Variants in ADAM29 observed in about 807,000 individuals in gnomAD.
ADAM29 encodes ADAM metallopeptidase domain 29, also known as disintegrin and metalloproteinase domain-containing protein 29.
For missense variants in ADAM29, 969 were observed against 1,001.8 expected (o/e 0.97, Z 0.44); for synonymous variants, 367 against 342.3 (o/e 1.07, Z -0.80).
At chr4:174,954,476 C>A (rs1360402741) in intron 4 of ADAM29, among the ~76,000 whole-genome samples, 1 of 152,074 alleles carries the variant, frequency 6.6e-6, no homozygotes. Context: ...TTTCAATAGT[C>A]TATTCCAGCA....
At position 174,931,112 on chromosome 4, in the gene ADAM29, A is replaced by G. The variant is rs1743841229; in HGVS notation, c.-324A>G. On this transcript the variant is annotated 5_prime_UTR_variant, in exon 3 of 5. Transcript: ENST00000359240. ...AACCATCAGCAAGAAAACAAATTTGATTGAGCCCCCATCCAGTCCTCTTTG... is the reference window on the plus strand; with the variant it reads ...AACCATCAGCAAGAAAACAAATTTGGTTGAGCCCCCATCCAGTCCTCTTTG... The G allele has an allele frequency of 6.6e-6, 1 of 152,178 alleles. No individual in the cohort carries two copies. The highest frequency in any genetic ancestry group is 1.5e-5 in the Non-Finnish European group (1 of 68,036). 9.4% of individuals were successfully genotyped at this position (152,178 alleles called of 1,614,324 possible).
At chr4:174,970,610 A>G (rs1236191101) in intron 4 of ADAM29, among the ~76,000 whole-genome samples, 1 of 152,178 alleles carries the variant, frequency 6.6e-6, no homozygotes, top group African/African-American at 2.4e-5. Context: ...TAGCCTCCAG[A>G]ACTACAGAAC....
intron 3 of ADAM29, among the ~76,000 whole-genome samples, chr4:174,935,933 C>T (rs1279629457): frequency 6.6e-6 from 1 of 151,950 alleles, no homozygotes; most frequent in Admixed American, 6.6e-5. Context: ...CTGGTAGAAA[C>T]ATAAAAAGTA....
intron 4 of ADAM29, among the ~76,000 whole-genome samples, chr4:174,967,332 T>C (rs1321899662): frequency 6.6e-6 from 1 of 152,162 alleles, no homozygotes; most frequent in Non-Finnish European, 1.5e-5. Context: ...TTATTATTAT[T>C]ATTACTATAA....
chr4:174,958,064 A>T (rs139917907), intron 4 of ADAM29, among the ~76,000 whole-genome samples: 3 of 151,926 alleles, frequency 2.0e-5, no homozygotes, highest in East Asian at 3.9e-4. Context: ...TAAATTTGTT[A>T]AGCTAGATCC....
intron 4 of ADAM29, among the ~76,000 whole-genome samples, chr4:174,946,973 A>G (rs1744885063): frequency 6.6e-6 from 1 of 152,086 alleles, no homozygotes; most frequent in African/African-American, 2.4e-5. Flanking sequence ...CAGTCTTGTG[A>G]CATTGAATGT....
At position 174,975,835 on chromosome 4, in the gene ADAM29, G is replaced by T. The variant is rs1453187896; in HGVS notation, c.310G>T (p.Gly104Cys). The change falls in exon 5 of 5, where the codon GGT (glycine) becomes TGT (cysteine). Residue 104 changes from glycine to cysteine, a missense_variant. Transcript: ENST00000359240. ...PFVQNNCYYH[G>C]YVEGDPESLV... The stretch of plus-strand genomic sequence containing the variant: ...TGTCCAGAATAACTGCTACTATCAT[G>T]GTTATGTGGAAGGGGACCCAGAATC... 6.2e-7 allele frequency: 1 copy of T among 1,614,146 alleles called. No homozygotes were observed.
In ADAM29 at chr4:174,976,513, G is replaced by C; in HGVS notation, c.988G>C (p.Val330Leu). ...NKTLGTFSIA[V>L]AHHLGHNLGM... ...AACTTTGGGCACTTTTTCAATTGCA[G>C]TGGCTCATCATCTAGGTCATAATTT... Residue 330 changes from valine (V) to leucine (L), a missense_variant, in exon 5 of 5, where the codon GTG becomes CTG. Coordinates refer to ENST00000359240, the MANE Select transcript of ADAM29 (RefSeq NM_014269.4). 6.2e-7 allele frequency: 1 copy of C among 1,611,082 alleles called. No individual in the cohort carries two copies. Among genetic ancestry groups the C allele is most frequent in the Non-Finnish European group, 8.5e-7 (1 of 1,178,620 alleles).
intron 4 of ADAM29, among the ~76,000 whole-genome samples, chr4:174,963,556 TAAAG>T (rs1189319097): frequency 2.0e-5 from 3 of 152,192 alleles, no homozygotes; most frequent in South Asian, 4.1e-4. Flanking sequence ...AGTTGGGAAA[TAAAG>T]AGATTCACTG....
chr4:174,941,477 G>A (rs1744532933), intron 4 of ADAM29, among the ~76,000 whole-genome samples: 1 of 152,154 alleles, frequency 6.6e-6, no homozygotes, highest in Non-Finnish European at 1.5e-5. Context: ...CATAGCTGGG[G>A]AGGCCTCAAG....
At chr4:174,948,982 G>T (rs1160588513) in intron 4 of ADAM29, among the ~76,000 whole-genome samples, 1 of 152,154 alleles carries the variant, frequency 6.6e-6, no homozygotes, top group Non-Finnish European at 1.5e-5. Context: ...GCTGCACGGG[G>T]AGTCTTCAGC....
chr4:174,976,384 C>T lies in ADAM29; in HGVS notation c.859C>T (p.His287Tyr), dbSNP rs781447890. ...ITPRMQHDTS[H>Y]LFTTLGLRGL... ...GCCCCGGATGCAACATGACACCTCA[C>T]ATCTTTTCACAACTCTAGGATTAAG... The change falls in exon 5 of 5, where the codon CAT (histidine) becomes TAT (tyrosine). Residue 287 changes from histidine to tyrosine, a missense_variant. Transcript: ENST00000359240. 4 of 1,599,480 alleles carry T rather than the reference C, an allele frequency of 2.5e-6. No individual in the cohort carries two copies. Among genetic ancestry groups the T allele is most frequent in the Non-Finnish European group, 3.4e-6 (4 of 1,174,310 alleles).
At chr4:174,963,195 A>G (rs1745950528) in intron 4 of ADAM29, among the ~76,000 whole-genome samples, 1 of 152,226 alleles carries the variant, frequency 6.6e-6, no homozygotes, top group African/African-American at 2.4e-5. Context: ...AGGATATGGT[A>G]CATTCAAATG....
chr4:174,976,659 T>C lies in ADAM29; in HGVS notation c.1134T>C (p.Thr378=), dbSNP rs968273915. 6 of 1,613,920 alleles carry C rather than the reference T, an allele frequency of 3.7e-6. No individual in the cohort carries two copies. Among genetic ancestry groups the C allele is most frequent in the Admixed American group, 1.7e-5 (1 of 59,976 alleles). ...GTTATGGTGATTTTTGGGAATATACTGTAGAGAGGACAAAGTGTTTGCTTG... is the reference window on the plus strand; with the variant it reads ...GTTATGGTGATTTTTGGGAATATACCGTAGAGAGGACAAAGTGTTTGCTTG... ...NCSYGDFWEY[T]VERTKCLLET... Residue 378 remains threonine (T), a synonymous_variant, in exon 5 of 5, where the codon ACT becomes ACC. Transcript: ENST00000359240.
At chr4:174,974,260 G>A (rs149442987) in intron 4 of ADAM29, among the ~76,000 whole-genome samples, 1 of 152,312 alleles carries the variant, frequency 6.6e-6, no homozygotes, top group African/African-American at 2.4e-5. Flanking sequence ...GAAAGTGAAA[G>A]CTTTTCTTTA....
At chr4:174,973,681 C>A (rs183127200) in intron 4 of ADAM29, among the ~76,000 whole-genome samples, 1 of 152,174 alleles carries the variant, frequency 6.6e-6, no homozygotes, top group Non-Finnish European at 1.5e-5. Flanking sequence ...ATTTTGATAG[C>A]TCTTTCAATA....
At chr4:174,923,000 G>A (rs1743253736) in intron 2 of ADAM29, among the ~76,000 whole-genome samples, 3 of 152,020 alleles carry the variant, frequency 2.0e-5, no homozygotes, top group Admixed American at 6.6e-5. Flanking sequence ...TGCTTAGTTA[G>A]GAGTTAAAGT....
At position 174,977,872 on chromosome 4, in the gene ADAM29, C is replaced by G. The variant is rs369431166; in HGVS notation, c.2347C>G (p.Pro783Ala). 2.7e-5 allele frequency: 43 copies of G among 1,587,344 alleles called. No individual in the cohort carries two copies. Among genetic ancestry groups the G allele is most frequent in the Non-Finnish European group, 3.7e-5 (43 of 1,165,590 alleles). ...TTCTCAGAGTCAACCTCCTGTGATG[C>G]CTTCCCAGAGTCATCCTCAGTTGAC... ...MPSQSQPPVM[P>A]SQSHPQLTPS... Residue 783 changes from proline (P) to alanine (A), a missense_variant, in exon 5 of 5, where the codon CCT (proline) becomes GCT (alanine). By Grantham distance (27) the Pro-to-Ala change is conservative (BLOSUM62 -1). Coordinates refer to ENST00000359240, the MANE Select transcript of ADAM29 (RefSeq NM_014269.4).
intron 4 of ADAM29, among the ~76,000 whole-genome samples, chr4:174,945,702 T>C (rs1744807527): frequency 1.3e-5 from 2 of 152,178 alleles, no homozygotes; most frequent in African/African-American, 4.8e-5. Flanking sequence ...GTTTCAATAT[T>C]ATGCATGTGA....
Sources: gnomAD v4.1 joint callset for allele counts (sites outside exome capture counted in the v4.1 genomes callset) on GRCh38, gnomAD v4.1.1 for gene constraint, MANE v1.5 for transcripts, NCBI Gene and HGNC (gene_info 2026-07-23, HGNC 2026-07-21) for gene names.